The following DNAH5 variants were observed in gnomAD, a reference collection of about 807,000 sequenced individuals.
DNAH5 encodes the protein axonemal beta dynein heavy chain 5.
A neutral mutation model predicts 518.2 loss-of-function variants in DNAH5; 372 were observed. The ratio of observed to expected loss-of-function variants is 0.72; its 90% CI spans 0.66 to 0.78. The LOEUF (loss-of-function observed/expected upper bound fraction) is 0.78. Among genes scored for constraint, DNAH5 ranks in the 30% least tolerant of loss-of-function variants. DNAH5 has a pLI of 0.00. For missense variants in DNAH5, 5,523 were observed against 5,687.0 expected (o/e 0.97, Z 0.93); for synonymous variants, 2,039 against 2,025.9 (o/e 1.01, Z -0.17).
chr5:13,996,095 GGCCA>G (rs2152078457), intron 1 of DNAH5, among the ~76,000 whole-genome samples: 1 of 152,254 alleles, frequency 6.6e-6, no homozygotes, highest in East Asian at 1.9e-4. Flanking sequence ...GATTCCAATT[GGCCA>G]CTCTGGGCAC....
chr5:13,894,865 C>A, intron 15 of DNAH5, 44 bp from the exon 16 acceptor site: 1 of 1,593,828 alleles, frequency 6.3e-7, no homozygotes. Context: ...TATCTCACTT[C>A]TAATGTCTGT....
intron 65 of DNAH5, among the ~76,000 whole-genome samples, chr5:13,745,961 TTTTAC>T (rs1749271216): frequency 6.6e-6 from 1 of 152,154 alleles, no homozygotes; most frequent in African/African-American, 2.4e-5. Flanking sequence ...TTCATTTATT[TTTTAC>T]TTTATTTTCC....
chr5:13,934,937 G>A (rs1778786530), intron 1 of DNAH5, among the ~76,000 whole-genome samples: 1 of 152,180 alleles, frequency 6.6e-6, no homozygotes, highest in South Asian at 2.1e-4. Context: ...AAGATGTCCT[G>A]TTGTTTTGAA....
intron 47 of DNAH5, among the ~76,000 whole-genome samples, chr5:13,803,635 GC>G (rs1320487770): frequency 6.6e-6 from 1 of 152,196 alleles, no homozygotes; most frequent in African/African-American, 2.4e-5. Context: ...TTTTAAGAGA[GC>G]TTTATGATAC....
At chr5:13,692,201 A>G in intron 78 of DNAH5, 66 bp from the exon 79 acceptor site, 2 of 1,565,486 alleles carry the variant, frequency 1.3e-6, no homozygotes, top group African/African-American at 1.4e-5. Flanking sequence ...GAGAATGCAG[A>G]GCCATGCTTC....
At chr5:13,787,405 C>T (rs1357423539) in intron 51 of DNAH5, among the ~76,000 whole-genome samples, 2 of 152,034 alleles carry the variant, frequency 1.3e-5, no homozygotes, top group African/African-American at 4.8e-5. Flanking sequence ...TGACTGTGTC[C>T]TAACATAATA....
chr5:13,871,414 T>A (rs1020909883), intron 23 of DNAH5, 150 bp downstream of exon 23: 6 of 697,290 alleles, frequency 8.6e-6, no homozygotes, highest in African/African-American at 5.4e-5. Flanking sequence ...CAGAAGAAAA[T>A]TTTTTAAAAA....
intron 21 of DNAH5, among the ~76,000 whole-genome samples, chr5:13,878,611 C>T (rs944723181): frequency 6.6e-6 from 1 of 152,204 alleles, no homozygotes; most frequent in East Asian, 1.9e-4. Flanking sequence ...CTACGACACG[C>T]ACCAAGTGCC....
intron 2 of DNAH5, among the ~76,000 whole-genome samples, chr5:13,929,240 T>C (rs1257378833): frequency 1.3e-5 from 2 of 152,194 alleles, no homozygotes; most frequent in Non-Finnish European, 2.9e-5. Flanking sequence ...CCCAAAAAGA[T>C]GAACACTGCA....
At position 13,944,302 on chromosome 5, in the gene DNAH5, T is replaced by TC. The variant is rs770621114; in HGVS notation, c.57+79dup. The TC allele has an allele frequency of 6.4e-5, 91 of 1,422,480 alleles. No individual in the cohort carries two copies. The East Asian group carries it at 1.2e-3, about 18-fold the overall frequency. The allele number at this position is 1,422,480 out of a possible 1,614,324, so 88.1% of individuals were successfully genotyped here. A position where few individuals can be genotyped will look rare whatever the true frequency, so the allele number is the denominator to read the frequency against. Reference sequence around the variant, plus strand: ...ATCAGTGTGTGACTTTGAACCTTTTTCAAGTTTGTTTTTTCCACCCAGGTG... The same window carrying TC: ...ATCAGTGTGTGACTTTGAACCTTTTTCCAAGTTTGTTTTTTCCACCCAGGTG... On this transcript the variant is annotated intron_variant, in intron 1 of 78. Transcript: ENST00000265104.
In DNAH5 at chr5:13,780,837, A is replaced by G; in HGVS notation, c.8943T>C (p.Thr2981=). The change falls in exon 53 of 79, where the codon ACT becomes ACC. Residue 2981 remains threonine (T), a synonymous_variant. Transcript: ENST00000265104. ...AAGTAAAAGGTTGTCACCTCGTCAG[A>G]GTGATCTGGAAGGAAACGTAGCCAG... ...FIAGYVSFQI[T]LTRSYNTSNL... 6.2e-7 allele frequency: 1 copy of G among 1,613,628 alleles called. No individual in the cohort carries two copies. Among genetic ancestry groups the G allele is most frequent in the Non-Finnish European group, 8.5e-7 (1 of 1,179,684 alleles).
At position 13,841,762 on chromosome 5, in the gene DNAH5, C is replaced by G; in HGVS notation, c.5414G>C (p.Arg1805Pro). 6.2e-7 allele frequency: 1 copy of G among 1,613,902 alleles called. No homozygotes were observed. The highest frequency in any genetic ancestry group is 8.5e-7 in the Non-Finnish European group (1 of 1,179,928). The change falls in exon 33 of 79, where the codon CGC (arginine) becomes CCC (proline). Residue 1805 changes from arginine to proline, a missense_variant. Arg to Pro is a moderately radical substitution (Grantham distance 103). Coordinates refer to ENST00000265104, the MANE Select transcript of DNAH5 (RefSeq NM_001369.3). ...TTCTTGAATATTTGCGGCTGCCTGG[C>G]GAATCACAAGATGCAATGAGGACTG... ...ESQSSLHLVI[R>P]QAAANIQETG...
chr5:13,983,423 G>A (rs1018765683), intron 1 of DNAH5, among the ~76,000 whole-genome samples: 54 of 152,316 alleles, frequency 3.5e-4, no homozygotes, highest in African/African-American at 1.2e-3. Flanking sequence ...TTTGTGTGGG[G>A]AGGTTATAGC....
chr5:13,814,966 T>C lies in DNAH5; in HGVS notation c.6989-120A>G, dbSNP rs1761263611. 51 of 1,021,676 alleles carry C rather than the reference T, an allele frequency of 5.0e-5. 2 individuals carry two copies. The South Asian group carries it at 7.5e-4, about 15-fold the overall frequency. 63.3% of individuals were successfully genotyped at this position (1,021,676 alleles called of 1,614,324 possible). A position where few individuals can be genotyped will look rare whatever the true frequency, so the allele number is the denominator to read the frequency against. On this transcript the variant is annotated intron_variant, in intron 42 of 78. Coordinates refer to ENST00000265104, the MANE Select transcript of DNAH5 (RefSeq NM_001369.3). Reference sequence around the variant, plus strand: ...GATGTAATTTTCATTAATTTTTAAATATAGTTTTGCTCCAAATGATTACCT... The same window carrying C: ...GATGTAATTTTCATTAATTTTTAAACATAGTTTTGCTCCAAATGATTACCT...
chr5:13,959,949 CA>C (rs1781052742), intron 1 of DNAH5, among the ~76,000 whole-genome samples: 1 of 151,936 alleles, frequency 6.6e-6, no homozygotes, highest in African/African-American at 2.4e-5. Flanking sequence ...GCCTGGGCAA[CA>C]AGAGCTAAAC....
In DNAH5 at chr5:13,694,161, G is replaced by A. The variant is rs1741059419; in HGVS notation, c.13724-2026C>T. On this transcript the variant is annotated intron_variant, in intron 78 of 78. Transcript: ENST00000265104. ...AATTACAAAAATTACAACTTGAGAA[G>A]TATTTGACTACTTGGATTTTAATCC... Among the ~76,000 whole-genome samples the A allele has an allele frequency of 3.3e-5, 5 of 152,174 alleles. No homozygotes were observed. The South Asian group carries it at 1.0e-3, about 32-fold the overall frequency.
At chr5:13,950,537 A>T (rs1780306820) in intron 1 of DNAH5, among the ~76,000 whole-genome samples, 1 of 152,158 alleles carries the variant, frequency 6.6e-6, no homozygotes, top group African/African-American at 2.4e-5. Flanking sequence ...CAGCCTCCCA[A>T]AGTGCTGGGA....
chr5:13,716,421 T>C, intron 74 of DNAH5, 66 bp downstream of exon 74: 2 of 1,149,714 alleles, frequency 1.7e-6, no homozygotes, highest in Middle Eastern at 5.3e-4. Flanking sequence ...GACAGTGTAA[T>C]TAATACCCAA....
intron 21 of DNAH5, among the ~76,000 whole-genome samples, chr5:13,881,978 T>C (rs1381277938): frequency 6.6e-6 from 1 of 151,860 alleles, no homozygotes; most frequent in Non-Finnish European, 1.5e-5. Context: ...AAATCACAAA[T>C]GAAAGGAGAT....
Sources: gnomAD v4.1 joint callset for allele counts (sites outside exome capture counted in the v4.1 genomes callset) on GRCh38, gnomAD v4.1.1 for gene constraint, MANE v1.5 for transcripts, NCBI Gene and HGNC (gene_info 2026-07-23, HGNC 2026-07-21) for gene names.